The following CDC7 variants were observed in gnomAD, a reference collection of about 807,000 sequenced individuals.
CDC7 encodes cell division cycle 7-related protein kinase.
CDC7 carries 34 observed loss-of-function variants against 53.5 expected under a neutral mutation model. The observed-to-expected ratio is 0.64, with a 90% CI of 0.48 to 0.85. The LOEUF is 0.85. CDC7 is among the 40% of genes least tolerant of loss of function. The pLI is 0.00. For synonymous variants in CDC7, 211 were observed against 222.8 expected (o/e 0.95, Z 0.47); for missense variants, 594 against 679.7 (o/e 0.87, Z 1.40).
At chr1:91,503,727 C>A (rs978434062) in intron 2 of CDC7, among the ~76,000 whole-genome samples, 12 of 152,102 alleles carry the variant, frequency 7.9e-5, no homozygotes, top group Admixed American at 7.2e-4. Context: ...AAAATAAAGT[C>A]TTTTCCCATT....
chr1:91,502,346 C>T (rs1040669875), intron 2 of CDC7, among the ~76,000 whole-genome samples: 5 of 152,266 alleles, frequency 3.3e-5, no homozygotes, highest in South Asian at 4.2e-4. Flanking sequence ...CTTGTACACT[C>T]GCATGTGTAC....
chr1:91,519,465 C>G (rs149589906), intron 10 of CDC7, among the ~76,000 whole-genome samples: 1 of 151,668 alleles, frequency 6.6e-6, no homozygotes. Flanking sequence ...TTGGATTGTT[C>G]GTAACACAAA....
At chr1:91,502,301 T>C (rs1217491970) in intron 2 of CDC7, among the ~76,000 whole-genome samples, 5 of 152,194 alleles carry the variant, frequency 3.3e-5, no homozygotes, top group African/African-American at 9.7e-5. Context: ...AACCAGACCT[T>C]AGGGTGAATA....
intron 10 of CDC7, among the ~76,000 whole-genome samples, chr1:91,517,759 G>A (rs915537220): frequency 1.3e-5 from 2 of 152,048 alleles, no homozygotes; most frequent in Admixed American, 6.6e-5. Flanking sequence ...CTTAAGGCTT[G>A]GAGAAAACAT....
intron 2 of CDC7, among the ~76,000 whole-genome samples, chr1:91,503,318 A>G (rs13447468): frequency 6.6e-6 from 1 of 152,234 alleles, no homozygotes; most frequent in African/African-American, 2.4e-5. Context: ...TTTTTTAAAT[A>G]TGATCTTAAT....
At chr1:91,517,293 C>T (rs1055575914) in intron 10 of CDC7, among the ~76,000 whole-genome samples, 9 of 151,882 alleles carry the variant, frequency 5.9e-5, no homozygotes, top group Admixed American at 2.6e-4. Context: ...TGAATTTGTC[C>T]GGGTGAGAGG....
chr1:91,511,794 C>G lies in CDC7; in HGVS notation c.443C>G (p.Ser148Cys). Residue 148 changes from serine (S) to cysteine (C), a missense_variant, in exon 6 of 12, where the codon TCT (serine) becomes TGT (cysteine). Coordinates refer to ENST00000234626, the MANE Select transcript of CDC7 (RefSeq NM_003503.4). ...ACTTTGTTTTAGGACATTCTGAATT[C>G]TCTTTCCTTTCAAGAAGTACGGGAA... ...EHESFLDILN[S>C]LSFQEVREYM... The G allele has an allele frequency of 1.2e-6, 2 of 1,600,336 alleles. No individual in the cohort carries two copies. Among genetic ancestry groups the G allele is most frequent in the East Asian group, 4.5e-5 (2 of 44,374 alleles).
At chr1:91,521,486 A>G (rs538866468) in intron 11 of CDC7, among the ~76,000 whole-genome samples, 1 of 152,324 alleles carries the variant, frequency 6.6e-6, no homozygotes, top group South Asian at 2.1e-4. Flanking sequence ...ACGATTTGTA[A>G]CTATCTTGTA....
chr1:91,508,866 C>T (rs1213308494), intron 4 of CDC7, among the ~76,000 whole-genome samples: 2 of 152,136 alleles, frequency 1.3e-5, no homozygotes, highest in African/African-American at 4.8e-5. Flanking sequence ...TCCACCTGCT[C>T]CATCATTTCT....
intron 2 of CDC7, among the ~76,000 whole-genome samples, chr1:91,503,581 TTAATG>T (rs1666820626): frequency 6.6e-6 from 1 of 152,236 alleles, no homozygotes; most frequent in Non-Finnish European, 1.5e-5. Flanking sequence ...AATGAATGAT[TTAATG>T]TAAGGATATA....
intron 11 of CDC7, among the ~76,000 whole-genome samples, chr1:91,523,146 C>T (rs952711405): frequency 9.9e-5 from 15 of 151,978 alleles, no homozygotes; most frequent in Non-Finnish European, 2.1e-4. Context: ...TTTATTGGGG[C>T]TTTATGTGTG....
chr1:91,504,440 T>C (rs1666875888), intron 2 of CDC7, among the ~76,000 whole-genome samples: 1 of 152,074 alleles, frequency 6.6e-6, no homozygotes, highest in African/African-American at 2.4e-5. Context: ...AAGTATCTAC[T>C]ATATGCCAAG....
chr1:91,520,089 T>C, intron 10 of CDC7, 41 bp from the exon 11 acceptor site: 2 of 1,481,276 alleles, frequency 1.4e-6, no homozygotes, highest in Non-Finnish European at 9.1e-7. Flanking sequence ...GATAAAATTA[T>C]AGATTTGAAA....
At position 91,501,809 on chromosome 1, in the gene CDC7, C is replaced by T. The variant is rs368652385; in HGVS notation, c.93C>T (p.Asn31=). The T allele has an allele frequency of 3.1e-6, 5 of 1,611,648 alleles. No homozygotes were observed. In the African/African-American group the frequency reaches 4.0e-5, roughly 13 times the overall value. Residue 31 remains asparagine, a synonymous_variant, in exon 2 of 12, where the codon AAC becomes AAT. Transcript: ENST00000234626. ...RFQAEGSLKK[N]EQNFKLAGVK... ...AGGCTGAAGGCTCTTTAAAAAAAAA[C>T]GAGCAGAATTTTAAACTTGCAGGTA...
intron 2 of CDC7, among the ~76,000 whole-genome samples, chr1:91,505,547 A>G (rs1340187307): frequency 6.6e-6 from 1 of 152,264 alleles, no homozygotes; most frequent in Non-Finnish European, 1.5e-5. Context: ...ATGTCAAAAT[A>G]GAAGCCTAGA....
chr1:91,501,735 A>T lies in CDC7; in HGVS notation c.19A>T (p.Ile7Phe). 6.2e-7 allele frequency: 1 copy of T among 1,613,958 alleles called. No individual in the cohort carries two copies. Among genetic ancestry groups the T allele is most frequent in the Non-Finnish European group, 8.5e-7 (1 of 1,179,940 alleles). Residue 7 changes from isoleucine to phenylalanine, a missense_variant, in exon 2 of 12, where the codon ATT becomes TTT. Coordinates refer to ENST00000234626, the MANE Select transcript of CDC7 (RefSeq NM_003503.4). ...GCTTGTGATGGAGGCGTCTTTGGGGATTCAGATGGATGAGCCAATGGCTTT... is the reference window on the plus strand; with the variant it reads ...GCTTGTGATGGAGGCGTCTTTGGGGTTTCAGATGGATGAGCCAATGGCTTT... MEASLG[I>F]QMDEPMAFSP... is the part of the protein sequence containing the mutation.
At chr1:91,508,057 T>G (rs758051313) in intron 3 of CDC7, 120 bp downstream of exon 3, 2 of 888,258 alleles carry the variant, frequency 2.3e-6, no homozygotes, top group Non-Finnish European at 3.4e-6. Flanking sequence ...TTTAGACTAT[T>G]AAGACCATAG....
chr1:91,513,386 C>T (rs1332059478), intron 7 of CDC7, 79 bp downstream of exon 7: 8 of 1,323,292 alleles, frequency 6.0e-6, no homozygotes, highest in Non-Finnish European at 7.4e-6. Context: ...AGATAGAATA[C>T]TAGGATAGTA....
rs1668240047 is a variant in CDC7, at chr1:91,525,724, G to T, written c.*1289G>T. ...TCTTAAAAAAAATTTGAATGCTCTT[G>T]AATTTGTATATTCAATAAAGTTATC... On this transcript the variant is annotated 3_prime_UTR_variant, in exon 12 of 12. Coordinates refer to ENST00000234626, the MANE Select transcript of CDC7 (RefSeq NM_003503.4). 1 of 151,654 alleles carries T rather than the reference G, an allele frequency of 6.6e-6. No individual in the cohort carries two copies. The highest frequency in any genetic ancestry group is 2.1e-4 in the South Asian group (1 of 4,800). The allele number at this position is 151,654 out of a possible 1,614,324, so 9.4% of individuals were successfully genotyped here.
Sources: gnomAD v4.1 joint callset for allele counts (sites outside exome capture counted in the v4.1 genomes callset) on GRCh38, gnomAD v4.1.1 for gene constraint, MANE v1.5 for transcripts, NCBI Gene and HGNC (gene_info 2026-07-23, HGNC 2026-07-21) for gene names.